Variants in CELF5 observed in about 807,000 individuals in gnomAD.
CELF5 encodes CUGBP Elav-like family member 5.
CELF5 carries 6 observed loss-of-function variants against 54.9 expected under a neutral mutation model. The observed-to-expected ratio is 0.11, with a 90% CI of 0.06 to 0.22. CELF5 has a LOEUF of 0.22. Ranked by LOEUF, CELF5 falls within the 10% of genes least tolerant of loss-of-function variation. The probability of loss-of-function intolerance (pLI) is 1.00; values close to 1 mark genes in which losing one functional copy is unlikely to be tolerated. For missense variants in CELF5, 401 were observed against 678.6 expected, an observed-to-expected ratio of 0.59 and a Z score of 4.54; for synonymous variants, 271 against 290.9, an observed-to-expected ratio of 0.93 and a Z score of 0.70.
chr19:3,231,600 G>T lies in CELF5; in HGVS notation c.259+6602G>T, dbSNP rs552882096. Among the ~76,000 whole-genome samples, 3 of 150,564 alleles carry T rather than the reference G, an allele frequency of 2.0e-5. No individual in the cohort carries two copies. In the South Asian group the frequency reaches 6.4e-4, roughly 32 times the overall value. Reference sequence around the variant, plus strand: ...GGATTTGTAGATGGGTGGGTGGATGGATGGATGGATGGATAGATGGATGGA... The same window carrying T: ...GGATTTGTAGATGGGTGGGTGGATGTATGGATGGATGGATAGATGGATGGA... On this transcript the variant is annotated intron_variant, in intron 1 of 12. Transcript: ENST00000292672.
chr19:3,291,947 GT>G (rs199506283), intron 11 of CELF5, among the ~76,000 whole-genome samples: 1,766 of 151,732 alleles, frequency 0.012, 30 homozygotes, highest in African/African-American at 0.04. Flanking sequence ...TTTTTGTTTT[GT>G]TTTTTGGCTT....
At chr19:3,265,463 A>G (rs1397464227) in intron 2 of CELF5, among the ~76,000 whole-genome samples, 4 of 152,162 alleles carry the variant, frequency 2.6e-5, no homozygotes, top group African/African-American at 9.7e-5. Flanking sequence ...CCCCGAGCAG[A>G]AGTTCAGAGG....
rs1422240813 is a variant in CELF5 at position 3,296,796 on chromosome 19, G to A, written c.*79G>A. 2 of 152,108 alleles carry A rather than the reference G, an allele frequency of 1.3e-5. No individual in the cohort carries two copies. The highest frequency in any genetic ancestry group is 2.9e-5 in the Non-Finnish European group (2 of 68,028). 9.4% of individuals were successfully genotyped at this position (152,108 alleles called of 1,614,324 possible). On this transcript the variant is annotated 3_prime_UTR_variant, in exon 13 of 13. Coordinates refer to ENST00000292672, the MANE Select transcript of CELF5 (RefSeq NM_021938.4). ...GTACAATGTACTTTATTTCTGCTAC[G>A]AGTAATTTCATGAAGTTTCAACTTG...
At chr19:3,274,012 G>A in intron 3 of CELF5, 89 bp downstream of exon 3, 2 of 1,364,538 alleles carry the variant, frequency 1.5e-6, no homozygotes, top group Non-Finnish European at 2.1e-6. Context: ...TCCTGCAAAA[G>A]GGGCAGTGGC....
intron 1 of CELF5, among the ~76,000 whole-genome samples, chr19:3,246,739 T>C (rs1042353691): frequency 1.3e-5 from 2 of 152,090 alleles, no homozygotes; most frequent in African/African-American, 4.8e-5. Flanking sequence ...GACAAGACTG[T>C]TGCAGAGCAA....
At chr19:3,248,856 TCC>T (rs1491487396) in intron 1 of CELF5, among the ~76,000 whole-genome samples, 10 of 59,282 alleles carry the variant, frequency 1.7e-4, no homozygotes, top group East Asian at 8.5e-4. Context: ...CTTTCTTTCT[TCC>T]TTCCTTCCTT....
chr19:3,284,187 G>A (rs1046852682), intron 8 of CELF5, among the ~76,000 whole-genome samples: 23 of 151,982 alleles, frequency 1.5e-4, no homozygotes, highest in Admixed American at 5.9e-4. Context: ...GCACGTGTGT[G>A]TGTGTGTGTG....
At chr19:3,247,238 T>G (rs962176355) in intron 1 of CELF5, among the ~76,000 whole-genome samples, 3 of 152,172 alleles carry the variant, frequency 2.0e-5, no homozygotes, top group Admixed American at 2.0e-4. Context: ...GCGATCCTCC[T>G]GCCTTGGCCT....
intron 1 of CELF5, among the ~76,000 whole-genome samples, chr19:3,247,865 G>T (rs549458419): frequency 6.6e-6 from 1 of 151,894 alleles, no homozygotes; most frequent in East Asian, 1.9e-4. Context: ...GGGTTCAAAC[G>T]ATTCTCATGA....
intron 4 of CELF5, among the ~76,000 whole-genome samples, chr19:3,276,358 G>C (rs2080052682): frequency 6.6e-6 from 1 of 151,494 alleles, no homozygotes; most frequent in African/African-American, 2.4e-5. Context: ...TAGCCCTGGA[G>C]AGGCCCGAGG....
At chr19:3,241,762 G>A (rs939352408) in intron 1 of CELF5, among the ~76,000 whole-genome samples, 19 of 152,090 alleles carry the variant, frequency 1.2e-4, no homozygotes, top group African/African-American at 4.3e-4. Flanking sequence ...TCTGACAAAG[G>A]TGGCACTAGT....
At chr19:3,274,033 G>A (rs1178332245) in intron 3 of CELF5, 110 bp downstream of exon 3, 1 of 1,135,298 alleles carries the variant, frequency 8.8e-7, no homozygotes, top group African/African-American at 1.5e-5. Flanking sequence ...CGAGGCCTGT[G>A]GATCTGGAAC....
chr19:3,231,979 G>A (rs1917288886), intron 1 of CELF5, among the ~76,000 whole-genome samples: 1 of 151,336 alleles, frequency 6.6e-6, no homozygotes, highest in Admixed American at 6.6e-5. Flanking sequence ...TAGATGGGTG[G>A]GTGCATGGAT....
At chr19:3,254,534 G>A (rs2079694301) in intron 2 of CELF5, among the ~76,000 whole-genome samples, 1 of 143,884 alleles carries the variant, frequency 7.0e-6, no homozygotes, top group Non-Finnish European at 1.5e-5. Context: ...TTCACACACT[G>A]ATCCATGTTT....
At position 3,228,403 on chromosome 19, in the gene CELF5, C is replaced by T. The variant is rs895760234; in HGVS notation, c.259+3405C>T. Among the ~76,000 whole-genome samples, 2 of 152,172 alleles carry T rather than the reference C, an allele frequency of 1.3e-5. No homozygotes were observed. The highest frequency in any genetic ancestry group is 4.8e-5 in the African/African-American group (2 of 41,460). The stretch of plus-strand genomic sequence containing the variant: ...CCCCTGCAGTTCCTGCCCCGGGGAC[C>T]CTCCCTCCAAGGCAGGCACCTCTGG... On this transcript the variant is annotated intron_variant, in intron 1 of 12. Transcript: ENST00000292672. This position sits in a 1 kb window ranked among gnomAD's most constrained non-coding sequence, Gnocchi z 6.0.
rs1047268256 is a variant in CELF5, at chr19:3,297,065, T to G, written c.*348T>G. Reference sequence around the variant, plus strand: ...ACTAAAAATTTATTTAATAAAAGTTTTACTTGCTAAAGGGCTGACTCTTCT... The same window carrying G: ...ACTAAAAATTTATTTAATAAAAGTTGTACTTGCTAAAGGGCTGACTCTTCT... On this transcript the variant is annotated 3_prime_UTR_variant, in exon 13 of 13. Coordinates refer to ENST00000292672, the MANE Select transcript of CELF5 (RefSeq NM_021938.4). 4 of 151,524 alleles carry G rather than the reference T, an allele frequency of 2.6e-5. No homozygotes were observed. The highest frequency in any genetic ancestry group is 6.6e-5 in the Admixed American group (1 of 15,204). The allele number at this position is 151,524 out of a possible 1,614,324, so 9.4% of individuals were successfully genotyped here.
intron 1 of CELF5, among the ~76,000 whole-genome samples, chr19:3,237,278 C>T (rs1338244328): frequency 7.2e-6 from 1 of 138,800 alleles, no homozygotes; most frequent in African/African-American, 2.7e-5. Flanking sequence ...CGCCACTGCA[C>T]TCCAGCCTGA....
intron 2 of CELF5, among the ~76,000 whole-genome samples, chr19:3,264,550 G>C (rs1568347239): frequency 6.6e-6 from 1 of 151,326 alleles, no homozygotes; most frequent in South Asian, 2.1e-4. Context: ...CGAGTAGCTG[G>C]GACTACAGGC....
intron 2 of CELF5, among the ~76,000 whole-genome samples, chr19:3,261,943 G>A (rs976537627): frequency 3.9e-5 from 6 of 152,290 alleles, no homozygotes; most frequent in African/African-American, 1.2e-4. Flanking sequence ...TGCCTGTGCT[G>A]TGCAGTGTGC....
Sources: allele counts gnomAD v4.1 joint callset (sites outside exome capture counted in the v4.1 genomes callset), GRCh38; gene constraint gnomAD v4.1.1; non-coding constraint Gnocchi (gnomAD v3.1); transcripts MANE v1.5; gene names NCBI Gene and HGNC (gene_info 2026-07-23, HGNC 2026-07-21).